The following FAM151B variants were observed in gnomAD, a reference collection of about 807,000 sequenced individuals.
The protein encoded by FAM151B is family with sequence similarity 151 member B, also known as protein FAM151B.
Under a neutral mutation model 31.2 loss-of-function variants are expected in FAM151B, and 24 were observed. That is an observed-to-expected ratio of 0.77 (90% CI 0.56 to 1.08). The LOEUF is 1.08. Among genes scored for constraint, FAM151B ranks in the 50% least tolerant of loss-of-function variants. The pLI is 0.00. For missense variants in FAM151B, 293 were observed against 328.6 expected, an observed-to-expected ratio of 0.89 and a Z score of 0.84; for synonymous variants, 105 against 111.4, an observed-to-expected ratio of 0.94 and a Z score of 0.36.
At chr5:80,512,213 A>G (rs1284019105) in intron 2 of FAM151B, among the ~76,000 whole-genome samples, 2 of 152,192 alleles carry the variant, frequency 1.3e-5, no homozygotes, top group Admixed American at 1.3e-4. Context: ...TCTTTGGGTG[A>G]CTATGTGTAT....
At chr5:80,536,083 G>A (rs1024866963) in intron 5 of FAM151B, among the ~76,000 whole-genome samples, 3 of 152,166 alleles carry the variant, frequency 2.0e-5, no homozygotes, top group African/African-American at 7.2e-5. Flanking sequence ...AAGACAGGCA[G>A]TAAATGCTAG....
chr5:80,519,580 A>AAC (rs2112639430), intron 3 of FAM151B, 113 bp from the exon 4 acceptor site: 2 of 841,964 alleles, frequency 2.4e-6, no homozygotes, highest in South Asian at 3.6e-5. Flanking sequence ...TTTAACCCAG[A>AAC]CATTATTGTA....
chr5:80,524,735 A>G (rs901604115), intron 5 of FAM151B, among the ~76,000 whole-genome samples: 9 of 152,180 alleles, frequency 5.9e-5, no homozygotes, highest in African/African-American at 9.6e-5. Context: ...AGTGTTTCAG[A>G]TAACAAAATC....
intron 5 of FAM151B, among the ~76,000 whole-genome samples, chr5:80,538,479 T>TTTCTTTCCTTCC (rs1745682870): frequency 1.1e-5 from 1 of 92,422 alleles, no homozygotes; most frequent in African/African-American, 3.7e-5. Context: ...TCTTTCTTTC[T>TTTCTTTCCTTCC]TTCTTTCCTT....
At position 80,489,938 on chromosome 5, in the gene FAM151B, C is replaced by CAAAAACAAAAACA. The variant is rs369923046; in HGVS notation, c.25+1795_25+1796insCAAAAACAAAAAA. On this transcript the variant is annotated intron_variant, in intron 1 of 5. Transcript: ENST00000282226. The stretch of plus-strand genomic sequence containing the variant: ...AACTGTCTCAAAACAAAAACAAAAA[C>CAAAAACAAAAACA]AAAAATTTCTTCTCATTACCGAGTT... Among the ~76,000 whole-genome samples the CAAAAACAAAAACA allele has an allele frequency of 9.3e-3, 1,390 of 148,820 alleles. 25 individuals are homozygous for CAAAAACAAAAACA. Among genetic ancestry groups the CAAAAACAAAAACA allele is most frequent in the African/African-American group, 0.035 (1,356 of 38,818 alleles).
chr5:80,497,425 AAAAAC>A lies in FAM151B; in HGVS notation c.26-4362_26-4358del, dbSNP rs975306111. On this transcript the variant is annotated intron_variant, in intron 1 of 5. Coordinates refer to ENST00000282226, the MANE Select transcript of FAM151B (RefSeq NM_205548.3). ...GCAAGACTCCGGCTCAAAAAAAAAA[AAAAAC>A]AAAAACAATAAAAAAACTACTCAAA... is the stretch of plus-strand genomic sequence containing the variant. 7.9e-5 allele frequency among the ~76,000 whole-genome samples: 12 copies of A among 151,822 alleles called. 1 individual carries two copies. The highest frequency in any genetic ancestry group is 2.7e-4 in the African/African-American group (11 of 41,462).
At chr5:80,508,723 T>G (rs1192200554) in intron 2 of FAM151B, among the ~76,000 whole-genome samples, 1 of 152,184 alleles carries the variant, frequency 6.6e-6, no homozygotes, top group Non-Finnish European at 1.5e-5. Context: ...TATATTAAAT[T>G]TAATCAGAAG....
At chr5:80,488,895 A>G (rs988557542) in intron 1 of FAM151B, among the ~76,000 whole-genome samples, 1 of 152,174 alleles carries the variant, frequency 6.6e-6, no homozygotes, top group Non-Finnish European at 1.5e-5. Flanking sequence ...AAATGCCATT[A>G]TAGAACATTT....
intron 3 of FAM151B, among the ~76,000 whole-genome samples, chr5:80,515,479 C>G (rs537076895): frequency 1.2e-3 from 182 of 152,192 alleles, no homozygotes; most frequent in African/African-American, 4.1e-3. Context: ...ATGGCTTAAA[C>G]TTTTAGATCT....
intron 5 of FAM151B, among the ~76,000 whole-genome samples, chr5:80,524,943 A>C (rs1429406434): frequency 6.6e-6 from 1 of 152,200 alleles, no homozygotes; most frequent in African/African-American, 2.4e-5. Context: ...ATAGGAATTT[A>C]ATAAATAGTT....
In FAM151B at chr5:80,522,067, G is replaced by A. The variant is rs1744745841; in HGVS notation, c.600G>A (p.Thr200=). ...GTAATGAACTAAGTCAGCCTGTAAC[G>A]TTCCCTGTCAGAGCAGCATTAGTCA... is the stretch of plus-strand genomic sequence containing the variant. The part of the protein sequence containing the change: ...YICNELSQPV[T]FPVRAALVRQ... The change falls in exon 5 of 6, where the codon ACG becomes ACA. Residue 200 remains threonine (T), a synonymous_variant. Transcript: ENST00000282226. The A allele has an allele frequency of 3.7e-6, 6 of 1,612,784 alleles. No individual in the cohort carries two copies. Among genetic ancestry groups the A allele is most frequent in the Admixed American group, 3.3e-5 (2 of 60,004 alleles).
chr5:80,498,621 C>G, intron 1 of FAM151B: 1 of 806,146 alleles, frequency 1.2e-6, no homozygotes. Context: ...CACTCCAGCA[C>G]CATCTGAATG....
chr5:80,491,460 C>T (rs982995805), intron 1 of FAM151B, among the ~76,000 whole-genome samples: 4 of 152,082 alleles, frequency 2.6e-5, no homozygotes, highest in Admixed American at 2.6e-4. Flanking sequence ...TGAGCTTAAG[C>T]AGTCCTTCCG....
chr5:80,538,440 C>CTCTTTCTTTG (rs1745654055), intron 5 of FAM151B, among the ~76,000 whole-genome samples: 38 of 59,924 alleles, frequency 6.3e-4, no homozygotes, highest in African/African-American at 3.4e-3. Flanking sequence ...TTCTTTCTTT[C>CTCTTTCTTTG]TTTCTTTCTC....
intron 5 of FAM151B, among the ~76,000 whole-genome samples, chr5:80,533,664 C>T (rs2112668753): frequency 7.3e-6 from 1 of 137,928 alleles, no homozygotes; most frequent in East Asian, 2.3e-4. Flanking sequence ...GCAGGAGAAT[C>T]AGTTGAACCT....
chr5:80,494,706 A>T (rs1743466986), intron 1 of FAM151B, among the ~76,000 whole-genome samples: 1 of 151,234 alleles, frequency 6.6e-6, no homozygotes, highest in African/African-American at 2.4e-5. Flanking sequence ...TAGAGACGGG[A>T]TTTCGTCATG....
At chr5:80,515,766 T>C (rs1744414252) in intron 3 of FAM151B, among the ~76,000 whole-genome samples, 1 of 152,224 alleles carries the variant, frequency 6.6e-6, no homozygotes, top group Non-Finnish European at 1.5e-5. Context: ...TTTCATTAAA[T>C]TCTCGTAACA....
intron 5 of FAM151B, among the ~76,000 whole-genome samples, chr5:80,523,826 A>G (rs1431113556): frequency 1.3e-5 from 2 of 152,170 alleles, no homozygotes; most frequent in Non-Finnish European, 2.9e-5. Flanking sequence ...TGCTAGCATT[A>G]TGCTTAAAGA....
At chr5:80,502,053 T>C (rs1743769743) in intron 2 of FAM151B, 136 bp downstream of exon 2, 1 of 376,418 alleles carries the variant, frequency 2.7e-6, no homozygotes. Flanking sequence ...GAGTATTTTA[T>C]TTATTTTTAT....
Sources: gnomAD v4.1 joint callset for allele counts (sites outside exome capture counted in the v4.1 genomes callset) on GRCh38, gnomAD v4.1.1 for gene constraint, MANE v1.5 for transcripts, NCBI Gene and HGNC (gene_info 2026-07-23, HGNC 2026-07-21) for gene names.